Variants in UNG observed in about 807,000 individuals in gnomAD.
The protein encoded by UNG is uracil DNA glycosylase.
In UNG, 34 loss-of-function variants were observed where a neutral mutation model predicts 36.5. The observed-to-expected ratio is 0.93, with a 90% CI of 0.71 to 1.24. UNG has a LOEUF of 1.24. Among genes scored for constraint, UNG ranks in the 50% most tolerant of loss-of-function variants. UNG has a pLI of 0.00. For synonymous variants in UNG, 172 were observed against 157.8 expected, an observed-to-expected ratio of 1.09 and a Z score of -0.67; for missense variants, 391 against 397.6, an observed-to-expected ratio of 0.98 and a Z score of 0.14.
In UNG at chr12:109,110,135, A is replaced by C; in HGVS notation, c.*166A>C. On this transcript the variant is annotated 3_prime_UTR_variant, in exon 7 of 7. Transcript: ENST00000242576. ...TGTCCAGGAATGGCAGCTGTATCCAACCACAAACAACAAAGGCTACCCTTT... is the reference window on the plus strand; with the variant it reads ...TGTCCAGGAATGGCAGCTGTATCCACCCACAAACAACAAAGGCTACCCTTT... 1.2e-6 allele frequency: 1 copy of C among 846,816 alleles called. No individual in the cohort carries two copies. Among genetic ancestry groups the C allele is most frequent in the South Asian group, 1.6e-5 (1 of 63,046 alleles). 52.5% of individuals were successfully genotyped at this position (846,816 alleles called of 1,614,324 possible).
Position 109,098,617 on chromosome 12 carries a change from CG to C in UNG, c.321del (p.Lys108AsnfsTer7). 6.2e-7 allele frequency: 1 copy of C among 1,613,428 alleles called. No individual in the cohort carries two copies. The highest frequency in any genetic ancestry group is 8.5e-7 in the Non-Finnish European group (1 of 1,180,010). On this transcript the variant is annotated frameshift_variant, in exon 2 of 7. Coordinates refer to ENST00000242576, the MANE Select transcript of UNG (RefSeq NM_080911.3). LOFTEE classifies it high-confidence loss of function. ...SWKKHLSGEF[G>X]KPYFIKLMGF... ...GGAAGAAGCACCTCAGCGGGGAGTT[CG>C]GGAAACCGTATTTTATCAAGGTAAA...
chr12:109,099,717 A>C (rs1487433244), intron 3 of UNG, among the ~76,000 whole-genome samples: 1 of 152,134 alleles, frequency 6.6e-6, no homozygotes, highest in Non-Finnish European at 1.5e-5. Flanking sequence ...CTGTTATCAG[A>C]TCCCTTTGCT....
chr12:109,099,087 A>G, intron 2 of UNG, 102 bp from the exon 3 acceptor site: 2 of 1,118,498 alleles, frequency 1.8e-6, no homozygotes, highest in Non-Finnish European at 2.7e-6. Flanking sequence ...CATGACAAAG[A>G]ACTAATGATG....
chr12:109,101,248 A>G (rs2042174773), intron 3 of UNG, among the ~76,000 whole-genome samples: 1 of 147,894 alleles, frequency 6.8e-6, no homozygotes. Flanking sequence ...GTGCGCCACC[A>G]CACCCAGCTA....
intron 1 of UNG, chr12:109,098,115 G>C: frequency 7.2e-7 from 1 of 1,379,544 alleles, no homozygotes; most frequent in Non-Finnish European, 9.3e-7. Context: ...GTTTTTTGCC[G>C]CGAAAAGACC....
At chr12:109,098,818 G>C (rs2042155213) in intron 2 of UNG, among the ~76,000 whole-genome samples, 180 bp downstream of exon 2, 1 of 152,148 alleles carries the variant, frequency 6.6e-6, no homozygotes, top group East Asian at 1.9e-4. Flanking sequence ...GCTTTATATT[G>C]GTTAAAGTTG....
chr12:109,097,893 C>T (rs1054275430), intron 1 of UNG, 82 bp downstream of exon 1: 2 of 1,422,026 alleles, frequency 1.4e-6, no homozygotes, highest in Admixed American at 5.5e-5. Flanking sequence ...CGTGCAGGAT[C>T]GCGCCTCTGA....
intron 3 of UNG, 197 bp downstream of exon 3, chr12:109,099,481 G>T (rs2042160667): frequency 3.4e-6 from 2 of 594,116 alleles, no homozygotes; most frequent in African/African-American, 3.7e-5. Context: ...GTGGCAAAAA[G>T]GAAAACTATG....
At chr12:109,102,096 T>C in intron 4 of UNG, 97 bp downstream of exon 4, 1 of 1,104,842 alleles carries the variant, frequency 9.1e-7, no homozygotes, top group South Asian at 1.3e-5. Flanking sequence ...CACTGTTCAC[T>C]AGCCTTGGAG....
rs1327957748 is a variant in UNG at position 109,110,772 on chromosome 12, A to G, written c.*803A>G. Reference sequence around the variant, plus strand: ...CTGTTTTTTTTAACCGACTGAAATCACTTTGGGATATTTTTTCCTGCAACA... The same window carrying G: ...CTGTTTTTTTTAACCGACTGAAATCGCTTTGGGATATTTTTTCCTGCAACA... On this transcript the variant is annotated 3_prime_UTR_variant, in exon 7 of 7. Coordinates refer to ENST00000242576, the MANE Select transcript of UNG (RefSeq NM_080911.3). 1 of 151,952 alleles carries G rather than the reference A, an allele frequency of 6.6e-6. No individual in the cohort carries two copies. Among genetic ancestry groups the G allele is most frequent in the Non-Finnish European group, 1.5e-5 (1 of 67,996 alleles). 9.4% of individuals were successfully genotyped at this position (151,952 alleles called of 1,614,324 possible). A position where few individuals can be genotyped will look rare whatever the true frequency, so the allele number is the denominator to read the frequency against.
intron 3 of UNG, among the ~76,000 whole-genome samples, chr12:109,100,749 A>G (rs2042169890): frequency 1.3e-5 from 2 of 152,194 alleles, no homozygotes; most frequent in Non-Finnish European, 2.9e-5. Context: ...ACAAGAGAAT[A>G]TGTTGGCATG....
In UNG at chr12:109,098,413, C is replaced by T; in HGVS notation, c.133-19C>T. The T allele has an allele frequency of 5.6e-6, 9 of 1,605,108 alleles. No individual in the cohort carries two copies. The highest frequency in any genetic ancestry group is 1.1e-5 in the South Asian group (1 of 90,392). ...GGCCGCTGCAGCTCTTGAGCCGCCT[C>T]TGCGGGGACCACTTGCAGGCCATCC... On this transcript the variant is annotated intron_variant, in intron 1 of 6. Transcript: ENST00000242576.
At position 109,102,947 on chromosome 12, in the gene UNG, ATTTTTTT is replaced by A; in HGVS notation, c.622+36_622+42del. 11 of 970,796 alleles carry A rather than the reference ATTTTTTT, an allele frequency of 1.1e-5. No homozygotes were observed. Among genetic ancestry groups the A allele is most frequent in the East Asian group, 2.9e-5 (1 of 33,944 alleles). 60.1% of individuals were successfully genotyped at this position (970,796 alleles called of 1,614,324 possible). A position where few individuals can be genotyped will look rare whatever the true frequency, so the allele number is the denominator to read the frequency against. Reference sequence around the variant, plus strand: ...AGCAAGGTAAGCCAGCGACTGCTAGATTTTTTTTTTTTTTTTTTTTTTGAGACCGAGT... The same window carrying A: ...AGCAAGGTAAGCCAGCGACTGCTAGATTTTTTTTTTTTTTTGAGACCGAGT... On this transcript the variant is annotated intron_variant, in intron 5 of 6. Transcript: ENST00000242576.
intron 2 of UNG, 61 bp from the exon 3 acceptor site, chr12:109,099,128 A>G: frequency 6.8e-7 from 1 of 1,477,408 alleles, no homozygotes; most frequent in Non-Finnish European, 9.4e-7. Flanking sequence ...AAGCTTTCTT[A>G]TTGAATTCTT....
At chr12:109,102,603 G>A (rs565604211) in intron 4 of UNG, among the ~76,000 whole-genome samples, 6 of 152,168 alleles carry the variant, frequency 3.9e-5, no homozygotes, top group Non-Finnish European at 8.8e-5. Context: ...ATTTACTTAG[G>A]TTTTCCAGAG....
intron 5 of UNG, 23 bp downstream of exon 5, chr12:109,102,950 T>A: frequency 1.7e-6 from 2 of 1,147,112 alleles, no homozygotes; most frequent in Non-Finnish European, 2.4e-6. Flanking sequence ...CTGCTAGATT[T>A]TTTTTTTTTT....
chr12:109,100,287 A>T (rs1343650889), intron 3 of UNG, among the ~76,000 whole-genome samples: 53 of 152,088 alleles, frequency 3.5e-4, no homozygotes, highest in Admixed American at 3.5e-3. Context: ...CACCTCTGTG[A>T]TCCAGTTTTC....
Position 109,101,937 on chromosome 12 carries a change from T to C in UNG, c.471T>C (p.His157=), listed in dbSNP as rs780271583. 1.2e-6 allele frequency: 2 copies of C among 1,614,116 alleles called. No homozygotes were observed. Among genetic ancestry groups the C allele is most frequent in the South Asian group, 1.1e-5 (1 of 91,084 alleles). ...KVVILGQDPY[H]GPNQAHGLCF... ...TCATCCTGGGACAGGATCCATATCA[T>C]GGACCTAATCAAGCTCACGGGCTCT... is the stretch of plus-strand genomic sequence containing the variant. Residue 157 remains histidine, a synonymous_variant, in exon 4 of 7, where the codon CAT becomes CAC. Transcript: ENST00000242576.
chr12:109,108,805 A>AT (rs752534742), intron 6 of UNG, among the ~76,000 whole-genome samples: 1 of 151,954 alleles, frequency 6.6e-6, no homozygotes, highest in African/African-American at 2.4e-5. Flanking sequence ...TAACTTTTTA[A>AT]TTTTTTTGTA....
Sources: gnomAD v4.1 joint callset for allele counts (sites outside exome capture counted in the v4.1 genomes callset) on GRCh38, gnomAD v4.1.1 for gene constraint, MANE v1.5 for transcripts, NCBI Gene and HGNC (gene_info 2026-07-23, HGNC 2026-07-21) for gene names.